ACOXL: variants seen among roughly 807,000 people sequenced by gnomAD.
ACOXL encodes acyl-coenzyme A oxidase-like protein.
In ACOXL, 70 loss-of-function variants were observed where a neutral mutation model predicts 71.9. The ratio of observed to expected loss-of-function variants is 0.97; its 90% confidence interval spans 0.80 to 1.19. The LOEUF (loss-of-function observed/expected upper bound fraction) is 1.19, where lower values mean the gene tolerates loss of function less well. Ranked by LOEUF, ACOXL falls within the 50% of genes most tolerant of loss-of-function variation. The probability of loss-of-function intolerance (pLI) is 0.00; values close to 1 mark genes in which losing one functional copy is unlikely to be tolerated. For missense variants in ACOXL, 703 were observed against 736.3 expected (o/e 0.95, Z 0.52); for synonymous variants, 253 against 281.6 (o/e 0.90, Z 1.02).
chr2:110,895,477 G>A (rs1038847695), intron 10 of ACOXL, among the ~76,000 whole-genome samples: 2 of 152,058 alleles, frequency 1.3e-5, no homozygotes, highest in African/African-American at 4.8e-5. Flanking sequence ...TCAGAAAAAA[G>A]AATGAAATAG....
intron 10 of ACOXL, among the ~76,000 whole-genome samples, chr2:110,858,950 G>C (rs1372680978): frequency 2.0e-5 from 3 of 152,086 alleles, no homozygotes; most frequent in Admixed American, 6.5e-5. Flanking sequence ...TGCATGCTTC[G>C]TGCGAGGCGG....
intron 10 of ACOXL, among the ~76,000 whole-genome samples, chr2:110,861,579 G>A (rs1487394297): frequency 1.3e-5 from 2 of 150,008 alleles, no homozygotes; most frequent in African/African-American, 4.9e-5. Context: ...CCCCGGCTAT[G>A]TTGTTAAATG....
At chr2:111,000,209 G>A (rs1369999699) in intron 14 of ACOXL, among the ~76,000 whole-genome samples, 1 of 152,194 alleles carries the variant, frequency 6.6e-6, no homozygotes, top group East Asian at 1.9e-4. Flanking sequence ...GAAACTGGAG[G>A]AGGGGGATCC....
Position 111,070,022 on chromosome 2 carries a change from G to A in ACOXL, c.1440+20734G>A, listed in dbSNP as rs750167232. Among the ~76,000 whole-genome samples the A allele has an allele frequency of 6.6e-5, 10 of 152,006 alleles. 1 individual carries two copies. The highest frequency in any genetic ancestry group is 1.3e-4 in the Admixed American group (2 of 15,246). Reference sequence around the variant, plus strand: ...GAAGAAGAAGCATGTCCGTCGGCCTGCCCTCAGGACTCAGAAGCAGCAGGG... The same window carrying A: ...GAAGAAGAAGCATGTCCGTCGGCCTACCCTCAGGACTCAGAAGCAGCAGGG... On this transcript the variant is annotated intron_variant, in intron 16 of 17. Coordinates refer to ENST00000439055, the MANE Select transcript of ACOXL (RefSeq NM_001142807.4).
chr2:111,115,243 T>C lies in ACOXL; in HGVS notation c.1543-2373T>C, dbSNP rs528455837. Among the ~76,000 whole-genome samples the C allele has an allele frequency of 1.3e-5, 2 of 152,334 alleles. 1 individual carries two copies. Among genetic ancestry groups the C allele is most frequent in the Admixed American group, 1.3e-4 (2 of 15,302 alleles). On this transcript the variant is annotated intron_variant, in intron 17 of 17. Transcript: ENST00000439055. ...ACACTATGTGCAATTTTTATGCTTA[T>C]AGTATGGAAGCATGTTTGGTAACAA...
chr2:110,840,974 T>C (rs1691101373), intron 9 of ACOXL, among the ~76,000 whole-genome samples: 1 of 152,090 alleles, frequency 6.6e-6, no homozygotes, highest in African/African-American at 2.4e-5. Flanking sequence ...TGTGTGGGCG[T>C]GTTCTCCTAA....
intron 9 of ACOXL, among the ~76,000 whole-genome samples, chr2:110,833,967 T>A (rs1324609763): frequency 2.0e-5 from 3 of 152,226 alleles, no homozygotes; most frequent in Non-Finnish European, 4.4e-5. Context: ...GTCCACAAGC[T>A]GAGATGAGGT....
intron 14 of ACOXL, 135 bp downstream of exon 14, chr2:110,996,139 C>T (rs1459169801): frequency 1.3e-5 from 9 of 696,036 alleles, no homozygotes; most frequent in Non-Finnish European, 2.0e-5. Context: ...AGAGTTCCTA[C>T]GGGCCATTTT....
chr2:110,846,208 G>T (rs1252260352), intron 10 of ACOXL, among the ~76,000 whole-genome samples: 1 of 152,110 alleles, frequency 6.6e-6, no homozygotes, highest in Admixed American at 6.5e-5. Context: ...TGGGCGTCAG[G>T]ACCAAGAGAG....
chr2:110,874,059 C>G (rs1695596616), intron 10 of ACOXL, among the ~76,000 whole-genome samples: 1 of 152,180 alleles, frequency 6.6e-6, no homozygotes, highest in South Asian at 2.1e-4. Context: ...AAAACCCACC[C>G]CAGAGCAAGA....
chr2:110,969,019 AAAG>A (rs2062060156), intron 12 of ACOXL, among the ~76,000 whole-genome samples: 1 of 152,220 alleles, frequency 6.6e-6, no homozygotes, highest in Non-Finnish European at 1.5e-5. Context: ...AGCAGAAAGA[AAAG>A]AAGAATATCT....
intron 6 of ACOXL, 42 bp from the exon 7 acceptor site, chr2:110,798,972 A>G (rs780063599): frequency 2.5e-6 from 4 of 1,575,080 alleles, no homozygotes; most frequent in East Asian, 2.2e-5. Context: ...GAGTAAAGCT[A>G]TAGGAAGGAG....
intron 12 of ACOXL, among the ~76,000 whole-genome samples, chr2:110,953,144 TTATG>T (rs2061384251): frequency 6.6e-6 from 1 of 152,118 alleles, no homozygotes; most frequent in South Asian, 2.1e-4. Context: ...GATCCCAATA[TTATG>T]TATGTGAAAA....
chr2:110,932,331 G>A (rs959348116), intron 11 of ACOXL, among the ~76,000 whole-genome samples: 2 of 152,198 alleles, frequency 1.3e-5, no homozygotes, highest in Non-Finnish European at 2.9e-5. Context: ...CTATTCTCAT[G>A]GGTGTGTACG....
At chr2:111,065,851 C>A (rs1377111813) in intron 16 of ACOXL, among the ~76,000 whole-genome samples, 3 of 152,070 alleles carry the variant, frequency 2.0e-5, no homozygotes, top group African/African-American at 7.2e-5. Flanking sequence ...ATCAGAATGG[C>A]TAAAATAAAC....
At chr2:110,818,241 A>G (rs1688145311) in intron 9 of ACOXL, among the ~76,000 whole-genome samples, 1 of 151,604 alleles carries the variant, frequency 6.6e-6, no homozygotes, top group African/African-American at 2.4e-5. Context: ...AAATTACAAA[A>G]ATTAGCCTGG....
chr2:111,107,171 C>G (rs988201110), intron 17 of ACOXL, among the ~76,000 whole-genome samples: 4 of 152,322 alleles, frequency 2.6e-5, no homozygotes, highest in Middle Eastern at 3.4e-3. Flanking sequence ...TTTGTTCAAA[C>G]TAGGCTTTTG....
chr2:110,997,648 T>G (rs1402674252), intron 14 of ACOXL, among the ~76,000 whole-genome samples: 1 of 152,150 alleles, frequency 6.6e-6, no homozygotes, highest in Admixed American at 6.5e-5. Context: ...ATCTTAAAAT[T>G]TACTCCATAG....
chr2:111,078,961 T>C (rs7578982), intron 16 of ACOXL, among the ~76,000 whole-genome samples: 41,759 of 152,134 alleles, frequency 0.27, 5,962 homozygotes, highest in East Asian at 0.44. Context: ...TTTGCAGCAC[T>C]ATTTAGCTAT....
Sources: gnomAD v4.1 joint callset for allele counts (sites outside exome capture counted in the v4.1 genomes callset) on GRCh38, gnomAD v4.1.1 for gene constraint, MANE v1.5 for transcripts, NCBI Gene and HGNC (gene_info 2026-07-23, HGNC 2026-07-21) for gene names.